IMMP2L: variants seen among roughly 807,000 people sequenced by gnomAD.
IMMP2L encodes the protein inner mitochondrial membrane peptidase subunit 2, also known as mitochondrial inner membrane protease subunit 2.
Under a neutral mutation model 19.3 loss-of-function variants are expected in IMMP2L, and 18 were observed. The observed-to-expected ratio is 0.93, with a 90% confidence interval of 0.64 to 1.38. The LOEUF is 1.38. Among genes scored for constraint, IMMP2L ranks in the 40% most tolerant of loss-of-function variants. The probability of loss-of-function intolerance (pLI) is 0.00; values close to 1 mark genes in which losing one functional copy is unlikely to be tolerated. For missense variants in IMMP2L, 233 were observed against 218.2 expected, an observed-to-expected ratio of 1.07 and a Z score of -0.43; for synonymous variants, 76 against 73.0, an observed-to-expected ratio of 1.04 and a Z score of -0.21.
chr7:110,943,760 C>A (rs1416014942), intron 4 of IMMP2L, among the ~76,000 whole-genome samples: 1 of 151,978 alleles, frequency 6.6e-6, no homozygotes, highest in African/African-American at 2.4e-5. Context: ...AGCTGACTGA[C>A]ACGGGGCCCA....
At chr7:110,942,736 A>C (rs1346898988) in intron 4 of IMMP2L, among the ~76,000 whole-genome samples, 1 of 151,888 alleles carries the variant, frequency 6.6e-6, no homozygotes, top group African/African-American at 2.4e-5. Flanking sequence ...AAAATGTCAG[A>C]TAGAGAAAAT....
intron 3 of IMMP2L, among the ~76,000 whole-genome samples, chr7:111,121,744 G>C (rs1800650815): frequency 6.6e-6 from 1 of 151,992 alleles, no homozygotes; most frequent in Non-Finnish European, 1.5e-5. Flanking sequence ...ATACCCAAAG[G>C]ACTAAAACAT....
chr7:111,473,381 A>T (rs1030758432), intron 3 of IMMP2L, among the ~76,000 whole-genome samples: 2 of 151,998 alleles, frequency 1.3e-5, no homozygotes, highest in African/African-American at 4.8e-5. Context: ...ACAAAATACA[A>T]AAAAATACAA....
intron 3 of IMMP2L, among the ~76,000 whole-genome samples, chr7:111,071,491 A>G (rs1210624605): frequency 2.0e-5 from 3 of 152,198 alleles, no homozygotes; most frequent in Non-Finnish European, 1.5e-5. Flanking sequence ...AAAGAAACAA[A>G]TATCTGTCGA....
rs551406449 is a variant in IMMP2L at position 110,993,672 on chromosome 7, T to C, written c.240-30107A>G. On this transcript the variant is annotated intron_variant, in intron 3 of 5. Coordinates refer to ENST00000405709, the MANE Select transcript of IMMP2L (RefSeq NM_032549.4). Reference sequence around the variant, plus strand: ...CTTATGTGCCCTCCGACAGTCTGACTTTCTGTCAATGTCCAACTGGATATT... The same window carrying C: ...CTTATGTGCCCTCCGACAGTCTGACCTTCTGTCAATGTCCAACTGGATATT... Among the ~76,000 whole-genome samples the C allele has an allele frequency of 1.4e-3, 214 of 152,102 alleles. 1 individual carries two copies. Among genetic ancestry groups the C allele is most frequent in the African/African-American group, 5.0e-3 (207 of 41,490 alleles).
intron 3 of IMMP2L, among the ~76,000 whole-genome samples, chr7:111,313,090 C>G (rs1015714655): frequency 2.6e-5 from 4 of 152,098 alleles, no homozygotes; most frequent in South Asian, 2.1e-4. Context: ...TGGGAATGCT[C>G]TGTTATTGCT....
intron 5 of IMMP2L, among the ~76,000 whole-genome samples, chr7:110,673,583 T>C (rs928096272): frequency 2.0e-5 from 3 of 152,230 alleles, no homozygotes; most frequent in Non-Finnish European, 2.9e-5. Context: ...TCTTGAATGC[T>C]TTGCTGCTTA....
intron 3 of IMMP2L, among the ~76,000 whole-genome samples, chr7:111,365,313 A>G (rs955104787): frequency 1.3e-5 from 2 of 152,106 alleles, no homozygotes; most frequent in Admixed American, 1.3e-4. Context: ...TTTCTTGAAA[A>G]TATTTTCATG....
chr7:111,085,728 A>G (rs1161973795), intron 3 of IMMP2L, among the ~76,000 whole-genome samples: 1 of 152,204 alleles, frequency 6.6e-6, no homozygotes, highest in East Asian at 1.9e-4. Context: ...AAGATATGAA[A>G]CCAACCTAAA....
chr7:111,214,373 C>T (rs796357082), intron 3 of IMMP2L, among the ~76,000 whole-genome samples: 1 of 108,418 alleles, frequency 9.2e-6, no homozygotes, highest in African/African-American at 3.5e-5. Context: ...CAGGGTCTCT[C>T]ACTCTGTCAC....
chr7:111,116,788 CA>C (rs1479713016), intron 3 of IMMP2L, among the ~76,000 whole-genome samples: 9 of 151,984 alleles, frequency 5.9e-5, no homozygotes, highest in African/African-American at 2.2e-4. Flanking sequence ...ACAATAATAA[CA>C]AAAAAGGCAG....
chr7:110,897,591 T>C (rs569946525), intron 4 of IMMP2L, among the ~76,000 whole-genome samples: 44 of 152,284 alleles, frequency 2.9e-4, no homozygotes, highest in African/African-American at 1.0e-3. Flanking sequence ...ATTCTGCTCC[T>C]GGGATAGTGC....
intron 5 of IMMP2L, among the ~76,000 whole-genome samples, chr7:110,841,717 A>G (rs978730129): frequency 6.6e-6 from 1 of 152,124 alleles, no homozygotes; most frequent in African/African-American, 2.4e-5. Context: ...GGGGCTTAAG[A>G]GGAAAATCAA....
chr7:110,820,532 A>G (rs754292725), intron 5 of IMMP2L, among the ~76,000 whole-genome samples: 1 of 151,938 alleles, frequency 6.6e-6, no homozygotes, highest in Non-Finnish European at 1.5e-5. Context: ...TTATCTGAAC[A>G]TATATGTTTC....
intron 4 of IMMP2L, among the ~76,000 whole-genome samples, chr7:110,897,395 G>C (rs1010776366): frequency 1.3e-5 from 2 of 152,144 alleles, no homozygotes; most frequent in African/African-American, 2.4e-5. Context: ...TTCACTAGTA[G>C]TCAGGAAAAT....
chr7:110,928,796 TCTTCTAAG>T (rs1815160334), intron 4 of IMMP2L, among the ~76,000 whole-genome samples: 1 of 152,054 alleles, frequency 6.6e-6, no homozygotes, highest in African/African-American at 2.4e-5. Flanking sequence ...CTTTTTCAGG[TCTTCTAAG>T]CTTCAGAAAC....
intron 5 of IMMP2L, among the ~76,000 whole-genome samples, chr7:110,721,221 ATG>A (rs1372291528): frequency 6.6e-6 from 1 of 151,980 alleles, no homozygotes; most frequent in Non-Finnish European, 1.5e-5. Flanking sequence ...TACCATCTTT[ATG>A]TGTAAGACTC....
At chr7:110,705,883 A>G (rs534439300) in intron 5 of IMMP2L, among the ~76,000 whole-genome samples, 2 of 152,182 alleles carry the variant, frequency 1.3e-5, no homozygotes, top group East Asian at 3.9e-4. Context: ...TGTTGCTGCA[A>G]AGGACATGAT....
intron 4 of IMMP2L, among the ~76,000 whole-genome samples, chr7:110,887,030 G>GT (rs895182143): frequency 6.6e-6 from 1 of 151,858 alleles, no homozygotes. Flanking sequence ...AGATCTATTT[G>GT]TTTTTTTAAC....
Sources: allele counts gnomAD v4.1 joint callset (sites outside exome capture counted in the v4.1 genomes callset), GRCh38; gene constraint gnomAD v4.1.1; transcripts MANE v1.5; gene names NCBI Gene and HGNC (gene_info 2026-07-23, HGNC 2026-07-21).